The following DGKI variants were observed in gnomAD, a reference collection of about 807,000 sequenced individuals.
DGKI encodes diacylglycerol kinase iota.
A neutral mutation model predicts 147.5 loss-of-function variants in DGKI; 55 were observed. That is an observed-to-expected ratio of 0.37 (90% CI 0.30 to 0.47). DGKI has a LOEUF of 0.47. DGKI is among the 20% of genes least tolerant of loss of function. The pLI is 1.00. For missense variants in DGKI, 1,007 were observed against 1,323.8 expected, an observed-to-expected ratio of 0.76 and a Z score of 3.71; for synonymous variants, 469 against 477.1, an observed-to-expected ratio of 0.98 and a Z score of 0.22.
At chr7:137,620,504 A>T (rs1820709240) in intron 7 of DGKI, among the ~76,000 whole-genome samples, 1 of 152,196 alleles carries the variant, frequency 6.6e-6, no homozygotes, top group Non-Finnish European at 1.5e-5. Flanking sequence ...GCAGAAAAGA[A>T]GCATGATGTC....
intron 1 of DGKI, among the ~76,000 whole-genome samples, chr7:137,720,329 C>T (rs1484387442): frequency 1.5e-5 from 2 of 136,948 alleles, no homozygotes; most frequent in Non-Finnish European, 3.1e-5. Context: ...GCGATCTCGG[C>T]TCACTGCAAG....
intron 12 of DGKI, among the ~76,000 whole-genome samples, chr7:137,594,024 G>C (rs1207052934): frequency 6.6e-6 from 1 of 152,016 alleles, no homozygotes; most frequent in African/African-American, 2.4e-5. Context: ...TGCATTATTG[G>C]GGAATGTTTC....
chr7:137,530,663 G>GA (rs1817308434), intron 20 of DGKI, among the ~76,000 whole-genome samples: 1 of 152,092 alleles, frequency 6.6e-6, no homozygotes, highest in Non-Finnish European at 1.5e-5. Context: ...TTTGCGATGA[G>GA]AAAAACATCT....
At chr7:137,528,779 C>T (rs1817238233) in intron 20 of DGKI, among the ~76,000 whole-genome samples, 2 of 152,104 alleles carry the variant, frequency 1.3e-5, no homozygotes, top group Admixed American at 6.6e-5. Context: ...TTGATCCTCA[C>T]CAAGCAGTAA....
chr7:137,800,889 T>C (rs1249044702), intron 1 of DGKI, among the ~76,000 whole-genome samples: 1 of 152,214 alleles, frequency 6.6e-6, no homozygotes. Context: ...TCAATAACTA[T>C]ATACTCAGTA....
intron 20 of DGKI, among the ~76,000 whole-genome samples, chr7:137,542,310 T>C (rs1183297600): frequency 2.0e-5 from 3 of 152,196 alleles, no homozygotes; most frequent in Non-Finnish European, 1.5e-5. Context: ...AACCTGTTCA[T>C]CAATGTTTAT....
intron 20 of DGKI, among the ~76,000 whole-genome samples, chr7:137,537,067 G>A (rs867301789): frequency 3.9e-5 from 6 of 152,154 alleles, no homozygotes; most frequent in South Asian, 2.1e-4. Flanking sequence ...GGAACTAGCA[G>A]GGAAGAGTGG....
chr7:137,666,818 C>G (rs1162590759), intron 3 of DGKI, among the ~76,000 whole-genome samples: 1 of 152,196 alleles, frequency 6.6e-6, no homozygotes, highest in African/African-American at 2.4e-5. Context: ...CCTTAAAAAT[C>G]CATAATTCTG....
Position 137,406,348 on chromosome 7 carries a change from T to C in DGKI, c.2920+1527A>G, listed in dbSNP as rs17169137. Among the ~76,000 whole-genome samples the C allele has an allele frequency of 6.7e-3, 1,020 of 152,154 alleles. 35 individuals carry two copies. The East Asian group carries it at 0.076, about 11-fold the overall frequency. On this transcript the variant is annotated intron_variant, in intron 30 of 32. Transcript: ENST00000614521. ...ACTGAATAGCCAGGGAAATAGGAGATGGAATGATACAAGCCCCAGACTTAG... is the reference window on the plus strand; with the variant it reads ...ACTGAATAGCCAGGGAAATAGGAGACGGAATGATACAAGCCCCAGACTTAG...
chr7:137,540,858 T>C (rs1174712232), intron 20 of DGKI, among the ~76,000 whole-genome samples: 1 of 147,994 alleles, frequency 6.8e-6, no homozygotes, highest in African/African-American at 2.5e-5. Flanking sequence ...AAAATCTTTA[T>C]GCAAAAAACT....
intron 19 of DGKI, among the ~76,000 whole-genome samples, chr7:137,566,042 G>A (rs1818574631): frequency 6.6e-6 from 1 of 152,052 alleles, no homozygotes; most frequent in Non-Finnish European, 1.5e-5. Context: ...GAAATCATAA[G>A]CAATGTACAA....
In DGKI at chr7:137,656,320, C is replaced by T. The variant is rs183029589; in HGVS notation, c.681+146G>A. ...GAACGACCCTTAAACATTGTCTTTCCATTAGTAATCTGGTAATAATGTTGG... is the reference window on the plus strand; with the variant it reads ...GAACGACCCTTAAACATTGTCTTTCTATTAGTAATCTGGTAATAATGTTGG... On this transcript the variant is annotated intron_variant, in intron 4 of 32. Coordinates refer to ENST00000614521, the MANE Select transcript of DGKI (RefSeq NM_001321708.2). 4 of 783,530 alleles carry T rather than the reference C, an allele frequency of 5.1e-6. No individual in the cohort carries two copies. The East Asian group carries it at 9.9e-5, about 19-fold the overall frequency. The allele number at this position is 783,530 out of a possible 1,614,324, so 48.5% of individuals were successfully genotyped here. A position where few individuals can be genotyped will look rare whatever the true frequency, so the allele number is the denominator to read the frequency against.
intron 19 of DGKI, among the ~76,000 whole-genome samples, chr7:137,569,511 G>A (rs189353523): frequency 1.3e-3 from 191 of 151,882 alleles, no homozygotes; most frequent in African/African-American, 4.5e-3. Context: ...GGTGGACCAC[G>A]AGGTCAGGAG....
chr7:137,686,059 G>C (rs1429243418), intron 2 of DGKI, among the ~76,000 whole-genome samples: 2 of 152,096 alleles, frequency 1.3e-5, no homozygotes, highest in South Asian at 2.1e-4. Flanking sequence ...ACTGTGAAGA[G>C]AAAACAAGCA....
At chr7:137,421,321 G>C (rs75532610) in intron 28 of DGKI, among the ~76,000 whole-genome samples, 1 of 152,014 alleles carries the variant, frequency 6.6e-6, no homozygotes, top group East Asian at 1.9e-4. Flanking sequence ...AACCATAGAT[G>C]GGAGACAAAA....
In DGKI at chr7:137,391,333, T is replaced by C. The variant is rs1811356147; in HGVS notation, c.3061A>G (p.Lys1021Glu). Residue 1021 changes from lysine (K) to glutamate (E), a missense_variant, in exon 33 of 33, where the codon AAG (lysine) becomes GAG (glutamate). Physicochemically the swap from Lys to Glu is moderately conservative, Grantham distance 56. Around this residue, in one of 5 missense-constraint regions of DGKI, gnomAD observed 385 missense variants for 445.2 expected, o/e 0.86. Coordinates refer to ENST00000614521, the MANE Select transcript of DGKI (RefSeq NM_001321708.2). Reference protein sequence around the residue: ...ASLRKTDSKGKTPQERAQQAG... With the variant: ...ASLRKTDSKGETPQERAQQAG... Reference sequence around the variant, plus strand: ...TGCTGTGCTCTTTCTTGAGGTGTCTTACCCTATACGAAAATAGTGAGAAAA... The same window carrying C: ...TGCTGTGCTCTTTCTTGAGGTGTCTCACCCTATACGAAAATAGTGAGAAAA... 2 of 1,561,280 alleles carry C rather than the reference T, an allele frequency of 1.3e-6. No homozygotes were observed. The highest frequency in any genetic ancestry group is 4.6e-5 in the East Asian group (2 of 43,092).
At chr7:137,524,613 G>T (rs1336455066) in intron 20 of DGKI, among the ~76,000 whole-genome samples, 1 of 152,096 alleles carries the variant, frequency 6.6e-6, no homozygotes, top group Non-Finnish European at 1.5e-5. Context: ...TCACTCAACT[G>T]ATCTGCAAAG....
At chr7:137,424,499 C>G (rs1216617200) in intron 28 of DGKI, among the ~76,000 whole-genome samples, 1 of 152,102 alleles carries the variant, frequency 6.6e-6, no homozygotes, top group African/African-American at 2.4e-5. Flanking sequence ...ATCTGAGGTA[C>G]CGGGTTCATC....
At chr7:137,785,342 C>A (rs977981015) in intron 1 of DGKI, among the ~76,000 whole-genome samples, 1 of 151,104 alleles carries the variant, frequency 6.6e-6, no homozygotes, top group Admixed American at 6.6e-5. Flanking sequence ...AACACCTTCA[C>A]GTGCATAAAC....
Sources: gnomAD v4.1 joint callset for allele counts (sites outside exome capture counted in the v4.1 genomes callset) on GRCh38, gnomAD v4.1.1 for gene constraint, gnomAD v4.1.1 regional missense constraint, MANE v1.5 for transcripts, NCBI Gene and HGNC (gene_info 2026-07-23, HGNC 2026-07-21) for gene names.